PCSK4: variants seen among roughly 807,000 people sequenced by gnomAD.
The protein encoded by PCSK4 is proprotein convertase subtilisin/kexin type 4, also known as testicular tissue protein Li 135.
PCSK4 carries 64 observed loss-of-function variants against 80.3 expected under a neutral mutation model. The ratio of observed to expected loss-of-function variants is 0.80; its 90% CI spans 0.65 to 0.98. The LOEUF is 0.98. Among genes scored for constraint, PCSK4 ranks in the 50% least tolerant of loss-of-function variants. PCSK4 has a pLI of 0.00. For missense variants in PCSK4, 1,213 were observed against 1,093.6 expected (o/e 1.11, Z -1.54); for synonymous variants, 561 against 487.6 (o/e 1.15, Z -1.98).
At chr19:1,487,236 T>C (rs1422158195) in exon 7 of PCSK4, 2 of 1,606,772 alleles carry the variant, frequency 1.2e-6, no homozygotes, top group Non-Finnish European at 1.7e-6. Flanking sequence ...GCGCTGTAAA[T>C]GTGGATGTGC....
chr19:1,489,963 G>T lies in PCSK4; in HGVS notation c.190-66C>A, dbSNP rs548267237. On this transcript the variant is annotated intron_variant, in intron 1 of 14. Transcript: ENST00000300954. ...TCCCCTGCTGAAGCCCCCGAGGGCC[G>T]GTAACAGCCCCCTTCTTTGTCCTTC... 1.7e-5 allele frequency: 26 copies of T among 1,546,244 alleles called. No homozygotes were observed. In the African/African-American group the frequency reaches 3.1e-4, roughly 19 times the overall value.
At chr19:1,487,798 T>G in exon 5 of PCSK4, 1 of 1,577,186 alleles carries the variant, frequency 6.3e-7, no homozygotes, top group Non-Finnish European at 8.6e-7. Flanking sequence ...TTCTCTTTGC[T>G]GGGGGTGTAG....
At chr19:1,481,957 G>C (rs372751740) in exon 15 of PCSK4, 2 of 1,594,586 alleles carry the variant, frequency 1.3e-6, no homozygotes, top group Non-Finnish European at 1.7e-6. Flanking sequence ...GGGGGCGGCT[G>C]TCGGGGGTGG....
exon 8 of PCSK4, chr19:1,486,924 A>G: frequency 1.9e-6 from 3 of 1,604,788 alleles, no homozygotes; most frequent in Non-Finnish European, 2.5e-6. Flanking sequence ...TCGCTGTACC[A>G]GGGCACGCGG....
exon 15 of PCSK4, chr19:1,481,549 C>G (rs368548596): frequency 4.5e-6 from 2 of 446,208 alleles, no homozygotes; most frequent in African/African-American, 2.0e-5. Context: ...CCTCTCCCCC[C>G]AGCCCACTCC....
chr19:1,481,585 A>G, exon 15 of PCSK4: 1 of 482,818 alleles, frequency 2.1e-6, no homozygotes. Flanking sequence ...TGCAGAGGAG[A>G]CTTCTCTCTC....
At chr19:1,484,925 G>T (rs1427493460) in intron 8 of PCSK4, among the ~76,000 whole-genome samples, 3 of 151,062 alleles carry the variant, frequency 2.0e-5, no homozygotes, top group Non-Finnish European at 3.0e-5. Flanking sequence ...CGGGCAGATT[G>T]TTTGAGCTCA....
rs1568210140 is a variant in PCSK4, at chr19:1,484,069, G to GC, written c.1126dup (p.Ala376GlyfsTer156). 7 of 1,564,670 alleles carry GC rather than the reference G, an allele frequency of 4.5e-6. No homozygotes were observed. On this transcript the variant is annotated frameshift_variant, in exon 9 of 15. Transcript: ENST00000300954. LOFTEE classifies it high-confidence loss of function. ...GGCGATCATGCCGGCCGCCAGTGGGGCTGAGGCCGAGGTGCCCGTGTGCTG... is the reference window on the plus strand; with the variant it reads ...GGCGATCATGCCGGCCGCCAGTGGGGCCTGAGGCCGAGGTGCCCGTGTGCTG...
intron 2 of PCSK4, among the ~76,000 whole-genome samples, chr19:1,489,155 G>A (rs1599250117): frequency 7.5e-6 from 1 of 133,268 alleles, no homozygotes; most frequent in South Asian, 2.3e-4. Flanking sequence ...TTTTTGAGAC[G>A]GAGTCTCGCT....
intron 12 of PCSK4, 87 bp from the exon 13 acceptor site, chr19:1,483,107 C>T: frequency 2.2e-6 from 3 of 1,340,872 alleles, no homozygotes; most frequent in Middle Eastern, 2.6e-4. Context: ...TCTGACCGCA[C>T]GCGCTGGTGG....
intron 8 of PCSK4, 24 bp from the exon 9 acceptor site, chr19:1,484,151 T>G: frequency 7.5e-7 from 1 of 1,339,070 alleles, no homozygotes; most frequent in Non-Finnish European, 1.0e-6. Context: ...GGGGTGGGAC[T>G]CGGGGGGCCG....
rs140050266 is a variant in PCSK4, at chr19:1,487,304, A to T, written c.692T>A (p.Met231Lys). 1.8e-4 allele frequency: 291 copies of T among 1,591,156 alleles called. 1 individual carries two copies. In the Middle Eastern group the frequency reaches 3.2e-3, roughly 18 times the overall value. Reference sequence around the variant, plus strand: ...GACATCGGTGATGGTACCGTCCAGCATCCGTACGCCTGCAGAGCCAGGGCG... The same window carrying T: ...GACATCGGTGATGGTACCGTCCAGCTTCCGTACGCCTGCAGAGCCAGGGCG... The change falls in exon 7 of 15, where the codon ATG becomes AAG. Residue 231 changes from methionine (M) to lysine (K), a missense_variant. By Grantham distance (95) the Met-to-Lys change is moderately conservative (BLOSUM62 -1). Coordinates refer to ENST00000300954, the Ensembl canonical transcript of PCSK4.
Position 1,483,946 on chromosome 19 carries a change from G to GGGGGGCGGGGGC in PCSK4, c.1170-17_1170-6dup, listed in dbSNP as rs746015042. Reference sequence around the variant, plus strand: ...TCTCTCCACGTCAGGAACGGGCTGCGGGGGGCGGGGGCGGGGGCGGGTGAG... The same window carrying GGGGGGCGGGGGC: ...TCTCTCCACGTCAGGAACGGGCTGCGGGGGGCGGGGGCGGGGGCGGGGGCGGGGGCGGGTGAG... On this transcript the variant is annotated splice_region_variant and splice_polypyrimidine_tract_variant and intron_variant, in intron 9 of 14. Coordinates refer to ENST00000300954, the Ensembl canonical transcript of PCSK4. The GGGGGGCGGGGGC allele has an allele frequency of 7.0e-7, 1 of 1,431,388 alleles. No individual in the cohort carries two copies. Among genetic ancestry groups the GGGGGGCGGGGGC allele is most frequent in the Non-Finnish European group, 9.1e-7 (1 of 1,097,656 alleles). The allele number at this position is 1,431,388 out of a possible 1,614,324, so 88.7% of individuals were successfully genotyped here. A position where few individuals can be genotyped will look rare whatever the true frequency, so the allele number is the denominator to read the frequency against.
chr19:1,487,163 G>A lies in PCSK4; in HGVS notation c.833C>T (p.Ala278Val), dbSNP rs1392027506. 5.6e-6 allele frequency: 9 copies of A among 1,606,292 alleles called. No individual in the cohort carries two copies. The Admixed American group carries it at 1.3e-4, about 24-fold the overall frequency. The change falls in exon 7 of 15, where the codon GCC (alanine) becomes GTC (valine). Residue 278 changes from alanine (A) to valine (V), a missense_variant. Physicochemically the swap from Ala to Val is moderately conservative, Grantham distance 64. Transcript: ENST00000300954. ...CACCTTGGTCACACCACGCCGGAAG[G>A]CCTCGCGGGTGAGGATGCCGGGGCC... is the stretch of plus-strand genomic sequence containing the variant.
Position 1,489,787 on chromosome 19 carries a change from G to A in PCSK4, c.294+6C>T. ...GGCAGGGGGTTGGCCTCCAGGCCAGGCTCACCTTGGGGTTTTTCTTCAGGT... is the reference window on the plus strand; with the variant it reads ...GGCAGGGGGTTGGCCTCCAGGCCAGACTCACCTTGGGGTTTTTCTTCAGGT... On this transcript the variant is annotated splice_donor_region_variant and intron_variant, in intron 2 of 14. Coordinates refer to ENST00000300954, the Ensembl canonical transcript of PCSK4. 6.2e-7 allele frequency: 1 copy of A among 1,607,600 alleles called. No individual in the cohort carries two copies. The highest frequency in any genetic ancestry group is 8.5e-7 in the Non-Finnish European group (1 of 1,176,896).
Position 1,482,338 on chromosome 19 carries a change from C to T in PCSK4, c.1819+15G>A, listed in dbSNP as rs1333570762. The stretch of plus-strand genomic sequence containing the variant: ...ACCGCCTCCCAGCAGTGGGCCCTGC[C>T]CCGCCGGCACTCACCCTGGCACAGC... On this transcript the variant is annotated intron_variant, in intron 14 of 14. Coordinates refer to ENST00000300954, the Ensembl canonical transcript of PCSK4. 2 of 1,537,760 alleles carry T rather than the reference C, an allele frequency of 1.3e-6. No homozygotes were observed. Among genetic ancestry groups the T allele is most frequent in the Admixed American group, 2.0e-5 (1 of 50,986 alleles).
exon 2 of PCSK4, chr19:1,489,819 G>C (rs770385303): frequency 1.2e-6 from 2 of 1,610,560 alleles, no homozygotes; most frequent in East Asian, 2.2e-5. Flanking sequence ...AGGTGCAGGC[G>C]GTGGCCCCAG....
exon 12 of PCSK4, chr19:1,483,348 G>A (rs2084409961): frequency 3.7e-6 from 6 of 1,609,728 alleles, no homozygotes; most frequent in Non-Finnish European, 5.1e-6. Context: ...AGGTCTCCGC[G>A]CCGGCTGTAG....
At chr19:1,485,245 G>C (rs2084541530) in intron 8 of PCSK4, among the ~76,000 whole-genome samples, 1 of 152,042 alleles carries the variant, frequency 6.6e-6, no homozygotes, top group African/African-American at 2.4e-5. Flanking sequence ...TGGCCAACAT[G>C]GTGAAACCCC....
Sources: gnomAD v4.1 joint callset for allele counts (sites outside exome capture counted in the v4.1 genomes callset) on GRCh38, gnomAD v4.1.1 for gene constraint, MANE v1.5 for transcripts, NCBI Gene and HGNC (gene_info 2026-07-23, HGNC 2026-07-21) for gene names.